Variants in DPYSL3 observed in about 807,000 individuals in gnomAD.
DPYSL3 encodes dihydropyrimidinase-related protein 3.
In DPYSL3, 16 loss-of-function variants were observed where a neutral mutation model predicts 66.1. That is an observed-to-expected ratio of 0.24 (90% CI 0.16 to 0.37). The LOEUF (loss-of-function observed/expected upper bound fraction) is 0.37. Among genes scored for constraint, DPYSL3 ranks in the 10% least tolerant of loss-of-function variants. The pLI is 1.00. For missense variants in DPYSL3, 738 were observed against 916.2 expected (o/e 0.81, Z 2.51); for synonymous variants, 338 against 345.1 (o/e 0.98, Z 0.23).
intron 1 of DPYSL3, among the ~76,000 whole-genome samples, chr5:147,487,191 C>T (rs1186794857): frequency 6.6e-6 from 1 of 152,102 alleles, no homozygotes; most frequent in Non-Finnish European, 1.5e-5. Context: ...TGTTTCTTTC[C>T]CACTGTCATT....
At chr5:147,468,738 A>C (rs1487277573) in intron 1 of DPYSL3, among the ~76,000 whole-genome samples, 2 of 151,940 alleles carry the variant, frequency 1.3e-5, no homozygotes, top group African/African-American at 4.8e-5. Flanking sequence ...ATATATTTTT[A>C]TTATACTTTA....
rs543298645 is a variant in DPYSL3 at position 147,502,105 on chromosome 5, G to A, written c.381+7373C>T. ...CAGATTCAGTGTCTGGTGGAGGCCG[G>A]CTTTCTGACTCAGACGCTGCCTTCT... On this transcript the variant is annotated intron_variant, in intron 1 of 13. Coordinates refer to ENST00000343218, the MANE Select transcript of DPYSL3 (RefSeq NM_001197294.2). Among the ~76,000 whole-genome samples, 248 of 152,186 alleles carry A rather than the reference G, an allele frequency of 1.6e-3. 1 individual carries two copies. Among genetic ancestry groups the A allele is most frequent in the African/African-American group, 5.7e-3 (237 of 41,530 alleles).
chr5:147,433,834 C>T (rs1752359846), intron 1 of DPYSL3, among the ~76,000 whole-genome samples: 1 of 152,046 alleles, frequency 6.6e-6, no homozygotes, highest in African/African-American at 2.4e-5. Context: ...GAGATCGAGA[C>T]CATCCTGGCC....
chr5:147,436,064 C>G lies in DPYSL3; in HGVS notation c.382-11101G>C, dbSNP rs561366831. ...ATAGGAAGGAATCAGGGGAAAATAC[C>G]CCGACTTCATTGTTCACTCTCCCTC... is the stretch of plus-strand genomic sequence containing the variant. On this transcript the variant is annotated intron_variant, in intron 1 of 13. Transcript: ENST00000343218. Among the ~76,000 whole-genome samples, 3 of 152,254 alleles carry G rather than the reference C, an allele frequency of 2.0e-5. No homozygotes were observed. The East Asian group carries it at 5.8e-4, about 29-fold the overall frequency.
At chr5:147,438,572 C>G (rs1752458279) in intron 1 of DPYSL3, among the ~76,000 whole-genome samples, 1 of 152,186 alleles carries the variant, frequency 6.6e-6, no homozygotes, top group African/African-American at 2.4e-5. Flanking sequence ...GTGCTTAGAA[C>G]CTCCAAGACT....
intron 9 of DPYSL3, among the ~76,000 whole-genome samples, chr5:147,401,082 G>A (rs1031479910): frequency 3.3e-5 from 5 of 152,190 alleles, no homozygotes; most frequent in Non-Finnish European, 7.3e-5. Context: ...GTACTCAAAT[G>A]AGCAATGTCA....
intron 1 of DPYSL3, among the ~76,000 whole-genome samples, chr5:147,465,228 A>G: frequency 6.6e-6 from 1 of 152,106 alleles, no homozygotes; most frequent in East Asian, 1.9e-4. Flanking sequence ...AAAAAACAAA[A>G]CAACAACAAT....
chr5:147,415,645 T>G, intron 4 of DPYSL3, 64 bp downstream of exon 4: 1 of 1,557,590 alleles, frequency 6.4e-7, no homozygotes, highest in Non-Finnish European at 8.7e-7. Context: ...AATGAGTGGA[T>G]GGTGTTGGAA....
Position 147,451,497 on chromosome 5 carries a change from C to T in DPYSL3, c.382-26534G>A, listed in dbSNP as rs545596764. Among the ~76,000 whole-genome samples, 24 of 152,280 alleles carry T rather than the reference C, an allele frequency of 1.6e-4. 1 individual carries two copies. In the East Asian group the frequency reaches 4.6e-3, roughly 29 times the overall value. On this transcript the variant is annotated intron_variant, in intron 1 of 13. Coordinates refer to ENST00000343218, the MANE Select transcript of DPYSL3 (RefSeq NM_001197294.2). Reference sequence around the variant, plus strand: ...GGGCACAACCACATTTACTGGAGCTCCTAAGGCAAGTTATCAATGCTGAAT... The same window carrying T: ...GGGCACAACCACATTTACTGGAGCTTCTAAGGCAAGTTATCAATGCTGAAT...
intron 1 of DPYSL3, among the ~76,000 whole-genome samples, chr5:147,471,425 T>G (rs899872569): frequency 1.3e-5 from 2 of 152,204 alleles, no homozygotes; most frequent in African/African-American, 4.8e-5. Context: ...CTATTTACAT[T>G]AGTTTCCTCT....
At chr5:147,507,603 A>C (rs1044723068) in intron 1 of DPYSL3, among the ~76,000 whole-genome samples, 3 of 152,176 alleles carry the variant, frequency 2.0e-5, no homozygotes, top group South Asian at 2.1e-4. Flanking sequence ...GAACTTGATA[A>C]CCTCCGTGGT....
intron 7 of DPYSL3, among the ~76,000 whole-genome samples, chr5:147,406,412 A>G (rs1758325256): frequency 6.6e-6 from 1 of 152,194 alleles, no homozygotes; most frequent in Non-Finnish European, 1.5e-5. Context: ...CCTGGTTCTG[A>G]GTCCTGGTTC....
At chr5:147,482,067 G>A (rs1407240467) in intron 1 of DPYSL3, among the ~76,000 whole-genome samples, 1 of 152,114 alleles carries the variant, frequency 6.6e-6, no homozygotes, top group Non-Finnish European at 1.5e-5. Flanking sequence ...ACTCAAGATT[G>A]CTCACTAAAA....
chr5:147,491,757 A>G (rs1221062422), intron 1 of DPYSL3, among the ~76,000 whole-genome samples: 1 of 152,082 alleles, frequency 6.6e-6, no homozygotes, highest in Non-Finnish European at 1.5e-5. Context: ...GGGAGAAAAA[A>G]AAAAGACCAA....
chr5:147,465,603 G>A (rs953875441), intron 1 of DPYSL3, among the ~76,000 whole-genome samples: 1 of 152,080 alleles, frequency 6.6e-6, no homozygotes, highest in African/African-American at 2.4e-5. Context: ...CCCGGCCCCT[G>A]GTCCCTTAAG....
At chr5:147,466,123 G>A (rs1054067415) in intron 1 of DPYSL3, among the ~76,000 whole-genome samples, 17 of 152,180 alleles carry the variant, frequency 1.1e-4, no homozygotes, top group Non-Finnish European at 1.9e-4. Flanking sequence ...ACACACATCA[G>A]TGCCCATTAG....
At chr5:147,396,454 C>A (rs1430936836) in intron 12 of DPYSL3, among the ~76,000 whole-genome samples, 1 of 152,198 alleles carries the variant, frequency 6.6e-6, no homozygotes, top group Non-Finnish European at 1.5e-5. Flanking sequence ...CGGCACACAA[C>A]CTCCACCCAT....
intron 2 of DPYSL3, among the ~76,000 whole-genome samples, chr5:147,424,487 C>T (rs1007598205): frequency 6.6e-6 from 1 of 152,186 alleles, no homozygotes; most frequent in African/African-American, 2.4e-5. Context: ...CATCTAAGTC[C>T]TATCCTTAAG....
intron 1 of DPYSL3, among the ~76,000 whole-genome samples, chr5:147,460,581 G>A (rs1233181304): frequency 2.0e-5 from 3 of 152,156 alleles, no homozygotes; most frequent in African/African-American, 7.2e-5. Context: ...AAAGGGAGGA[G>A]GGAGGCAGGA....
Sources: gnomAD v4.1 joint callset for allele counts (sites outside exome capture counted in the v4.1 genomes callset) on GRCh38, gnomAD v4.1.1 for gene constraint, MANE v1.5 for transcripts, NCBI Gene and HGNC (gene_info 2026-07-23, HGNC 2026-07-21) for gene names.